Variants in ERBB4 observed in about 807,000 individuals in gnomAD.
ERBB4 encodes the protein erb-b2 receptor tyrosine kinase 4, also known as receptor tyrosine-protein kinase erbB-4.
In ERBB4, 42 loss-of-function variants were observed where a neutral mutation model predicts 158.0. The ratio of observed to expected loss-of-function variants is 0.27; its 90% CI spans 0.21 to 0.34. The LOEUF (loss-of-function observed/expected upper bound fraction) is 0.34. Ranked by LOEUF, ERBB4 falls within the 10% of genes least tolerant of loss-of-function variation. ERBB4 has a pLI of 1.00. For synonymous variants in ERBB4, 583 were observed against 558.7 expected, an observed-to-expected ratio of 1.04 and a Z score of -0.61; for missense variants, 1,333 against 1,624.1, an observed-to-expected ratio of 0.82 and a Z score of 3.08.
chr2:212,467,930 GC>G (rs1233755365), intron 1 of ERBB4, among the ~76,000 whole-genome samples: 1 of 152,212 alleles, frequency 6.6e-6, no homozygotes, highest in Non-Finnish European at 1.5e-5. Context: ...TCTACCTCTT[GC>G]ATCAGCATGA....
intron 1 of ERBB4, among the ~76,000 whole-genome samples, chr2:212,301,870 A>T (rs917363430): frequency 6.6e-6 from 1 of 151,472 alleles, no homozygotes; most frequent in East Asian, 1.9e-4. Flanking sequence ...CTTATTTTTT[A>T]AAATAAAAAC....
chr2:212,426,836 TC>T (rs1245813786), intron 1 of ERBB4, among the ~76,000 whole-genome samples: 1 of 152,002 alleles, frequency 6.6e-6, no homozygotes, highest in African/African-American at 2.4e-5. Context: ...GACAGAGGGC[TC>T]GGGGTAGCCA....
chr2:211,690,484 C>T (rs947288708), intron 12 of ERBB4, among the ~76,000 whole-genome samples: 5 of 152,068 alleles, frequency 3.3e-5, no homozygotes, highest in African/African-American at 9.7e-5. Context: ...TTATCATATG[C>T]CCAATTTCAG....
intron 1 of ERBB4, among the ~76,000 whole-genome samples, chr2:212,524,313 G>A (rs1258908740): frequency 6.6e-6 from 1 of 151,842 alleles, no homozygotes; most frequent in Non-Finnish European, 1.5e-5. Flanking sequence ...AATGAAAATT[G>A]TAGATGTAGT....
intron 2 of ERBB4, among the ~76,000 whole-genome samples, chr2:212,003,256 G>GGAAGGAAGGAAGGAAGGAAA (rs1553533251): frequency 5.4e-5 from 5 of 92,426 alleles, no homozygotes; most frequent in Non-Finnish European, 7.1e-5. Context: ...AAGGAAGGAA[G>GGAAGGAAGGAAGGAAGGAAA]GAAAGAGAGA....
intron 20 of ERBB4, among the ~76,000 whole-genome samples, chr2:211,540,364 T>C (rs1427170689): frequency 6.6e-6 from 1 of 151,822 alleles, no homozygotes; most frequent in African/African-American, 2.4e-5. Context: ...GGAGAGCAAC[T>C]CGTACACATA....
chr2:211,498,410 A>G (rs1312486905), intron 20 of ERBB4, among the ~76,000 whole-genome samples: 1 of 152,120 alleles, frequency 6.6e-6, no homozygotes, highest in Non-Finnish European at 1.5e-5. Context: ...TTTTATATAT[A>G]TCTATATACA....
chr2:211,518,262 T>C (rs2066090040), intron 20 of ERBB4, among the ~76,000 whole-genome samples: 2 of 152,080 alleles, frequency 1.3e-5, no homozygotes, highest in African/African-American at 2.4e-5. Flanking sequence ...ACAGAGAGCC[T>C]TGTACTCAAT....
In ERBB4 at chr2:212,345,265, C is replaced by CAAAAAAAAAAAAAAA. The variant is rs367985477; in HGVS notation, c.82+193183_82+193184insTTTTTTTTTTTTTTT. On this transcript the variant is annotated intron_variant, in intron 1 of 27. Coordinates refer to ENST00000342788, the MANE Select transcript of ERBB4 (RefSeq NM_005235.3). Reference sequence around the variant, plus strand: ...TGGGGGACAGAGCAAGACTCCGTCTCAAAAAAAAAAAAGCACTAAACACAT... The same window carrying CAAAAAAAAAAAAAAA: ...TGGGGGACAGAGCAAGACTCCGTCTCAAAAAAAAAAAAAAAAAAAAAAAAAAAGCACTAAACACAT... Among the ~76,000 whole-genome samples the CAAAAAAAAAAAAAAA allele has an allele frequency of 5.7e-4, 44 of 77,686 alleles. 9 individuals are homozygous for CAAAAAAAAAAAAAAA. Among genetic ancestry groups the CAAAAAAAAAAAAAAA allele is most frequent in the South Asian group, 7.7e-4 (2 of 2,584 alleles). 51.0% of individuals were successfully genotyped at this position (77,686 alleles called of 152,430 possible).
At chr2:211,498,007 T>C (rs1019083261) in intron 20 of ERBB4, among the ~76,000 whole-genome samples, 5 of 152,128 alleles carry the variant, frequency 3.3e-5, no homozygotes, top group East Asian at 3.9e-4. Flanking sequence ...AGTTCATCCA[T>C]GGGTCGCTGC....
chr2:211,712,274 G>A (rs1014774680), intron 8 of ERBB4, 98 bp from the exon 9 acceptor site: 3 of 1,177,996 alleles, frequency 2.5e-6, no homozygotes, highest in East Asian at 5.0e-5. Flanking sequence ...ATTTTTAATT[G>A]TAACATATAA....
At chr2:211,392,462 T>C (rs1398433666) in intron 25 of ERBB4, among the ~76,000 whole-genome samples, 1 of 152,068 alleles carries the variant, frequency 6.6e-6, no homozygotes, top group Non-Finnish European at 1.5e-5. Context: ...ATAATGTCTT[T>C]TGTCTATTTA....
At chr2:212,311,972 T>C (rs529341333) in intron 1 of ERBB4, among the ~76,000 whole-genome samples, 1 of 151,144 alleles carries the variant, frequency 6.6e-6, no homozygotes, top group African/African-American at 2.4e-5. Flanking sequence ...AAAATCGTGA[T>C]TTAAAGATTT....
chr2:211,618,431 C>T (rs879445880), intron 19 of ERBB4, among the ~76,000 whole-genome samples: 50 of 151,962 alleles, frequency 3.3e-4, no homozygotes, highest in Non-Finnish European at 6.3e-4. Context: ...TCTATGGCTG[C>T]TTTCCTACCA....
chr2:212,344,932 T>G (rs2088910283), intron 1 of ERBB4, among the ~76,000 whole-genome samples: 1 of 151,984 alleles, frequency 6.6e-6, no homozygotes, highest in South Asian at 2.1e-4. Flanking sequence ...TCTCATAGGG[T>G]TGTTGCAAAA....
At chr2:212,360,532 T>A (rs2089648361) in intron 1 of ERBB4, among the ~76,000 whole-genome samples, 1 of 151,716 alleles carries the variant, frequency 6.6e-6, no homozygotes. Flanking sequence ...GCAACTTTTT[T>A]ATTAGAATAA....
At chr2:211,768,728 A>G (rs1016967161) in intron 4 of ERBB4, among the ~76,000 whole-genome samples, 1 of 152,148 alleles carries the variant, frequency 6.6e-6, no homozygotes, top group African/African-American at 2.4e-5. Flanking sequence ...CAAAGCAGCA[A>G]GGCCCTGGGA....
At chr2:211,809,095 T>C (rs2076688699) in intron 3 of ERBB4, among the ~76,000 whole-genome samples, 1 of 152,154 alleles carries the variant, frequency 6.6e-6, no homozygotes, top group Non-Finnish European at 1.5e-5. Context: ...TGACTTCCTC[T>C]TTTCCTAATT....
At chr2:212,208,528 T>C (rs996155584) in intron 1 of ERBB4, among the ~76,000 whole-genome samples, 4 of 152,164 alleles carry the variant, frequency 2.6e-5, no homozygotes, top group African/African-American at 9.7e-5. Flanking sequence ...ACTGAGAATT[T>C]AGAGCCAGAG....
Sources: allele counts gnomAD v4.1 joint callset (sites outside exome capture counted in the v4.1 genomes callset), GRCh38; gene constraint gnomAD v4.1.1; transcripts MANE v1.5; gene names NCBI Gene and HGNC (gene_info 2026-07-23, HGNC 2026-07-21).